NOL4L: variants seen among roughly 807,000 people sequenced by gnomAD.
NOL4L encodes the protein nucleolar protein 4 like.
A neutral mutation model predicts 64.5 loss-of-function variants in NOL4L; 7 were observed. The observed-to-expected ratio is 0.11, with a 90% CI of 0.06 to 0.20. NOL4L has a LOEUF of 0.20. Among genes scored for constraint, NOL4L ranks in the 10% least tolerant of loss-of-function variants. The probability of loss-of-function intolerance (pLI) is 1.00; values close to 1 mark genes in which losing one functional copy is unlikely to be tolerated. For missense variants in NOL4L, 680 were observed against 967.1 expected (o/e 0.70, Z 3.94); for synonymous variants, 413 against 401.0 (o/e 1.03, Z -0.36).
chr20:32,458,957 C>T (rs898080134), intron 5 of NOL4L, among the ~76,000 whole-genome samples: 15 of 152,352 alleles, frequency 9.8e-5, no homozygotes, highest in South Asian at 6.2e-4. Context: ...GTCAGATGCC[C>T]GGCACGGGGG....
At chr20:32,480,967 G>A (rs1473720599) in intron 4 of NOL4L, among the ~76,000 whole-genome samples, 1 of 152,166 alleles carries the variant, frequency 6.6e-6, no homozygotes, top group Non-Finnish European at 1.5e-5. Context: ...TACTAGCCAT[G>A]CAAGCACCAG....
intron 1 of NOL4L, among the ~76,000 whole-genome samples, chr20:32,556,475 C>G (rs1040724151): frequency 6.6e-6 from 1 of 152,220 alleles, no homozygotes; most frequent in Non-Finnish European, 1.5e-5. Context: ...CTGCCCAAAT[C>G]CTGCCAGCTA....
Position 32,474,561 on chromosome 20 carries a change from G to A in NOL4L, c.841+40C>T, listed in dbSNP as rs753939154. The stretch of plus-strand genomic sequence containing the variant: ...TGAGGACAACTGGGAGCAGGGGGCC[G>A]GGCACAGCCCCTCCTCAACTGCCAC... On this transcript the variant is annotated intron_variant, in intron 5 of 10. Coordinates refer to ENST00000621426, the MANE Select transcript of NOL4L (RefSeq NM_001256798.2). 3.1e-5 allele frequency: 49 copies of A among 1,584,874 alleles called. No individual in the cohort carries two copies. In the Admixed American group the frequency reaches 3.3e-4, roughly 11 times the overall value.
intron 4 of NOL4L, chr20:32,483,477 C>G (rs1195245973): frequency 2.0e-6 from 2 of 990,048 alleles, no homozygotes; most frequent in Non-Finnish European, 2.4e-6. Flanking sequence ...CGCGGCTGCC[C>G]GGGGAGAGGG....
At chr20:32,576,084 G>A (rs532892094) in intron 1 of NOL4L, among the ~76,000 whole-genome samples, 1 of 152,332 alleles carries the variant, frequency 6.6e-6, no homozygotes, top group Admixed American at 6.5e-5. Context: ...GCCAGATCGC[G>A]CAGGGCTCTG....
intron 2 of NOL4L, among the ~76,000 whole-genome samples, chr20:32,523,762 C>T (rs2018028692): frequency 6.6e-6 from 1 of 152,230 alleles, no homozygotes; most frequent in African/African-American, 2.4e-5. Flanking sequence ...CCCGGGCCTC[C>T]TGCCTGGACA....
chr20:32,461,757 G>C (rs2014088931), intron 5 of NOL4L, among the ~76,000 whole-genome samples: 1 of 149,618 alleles, frequency 6.7e-6, no homozygotes, highest in Non-Finnish European at 1.5e-5. Flanking sequence ...GAGAGGATAA[G>C]TGCTTGGAAG....
At position 32,453,755 on chromosome 20, in the gene NOL4L, G is replaced by C. The variant is rs1332248089; in HGVS notation, c.1126C>G (p.Pro376Ala). ...GAATCGTAGCTCCCAGAGCTGTAGGGGGGGGACTAAAAGGAGGGCAAGAGG... is the reference window on the plus strand; with the variant it reads ...GAATCGTAGCTCCCAGAGCTGTAGGCGGGGGACTAAAAGGAGGGCAAGAGG... ...YGVKTTPESP[P>A]YSSGSYDSIK... Residue 376 changes from proline to alanine, a missense_variant, in exon 7 of 11, where the codon CCC becomes GCC. Around this residue, in one of 4 missense-constraint regions of NOL4L, gnomAD observed 254 missense variants for 238.7 expected, o/e 1.06. Transcript: ENST00000621426. The surrounding 1 kb of genome is among the most constrained non-coding windows in gnomAD (Gnocchi z 5.6). The C allele has an allele frequency of 2.5e-5, 39 of 1,552,864 alleles. No individual in the cohort carries two copies. Among genetic ancestry groups the C allele is most frequent in the Admixed American group, 7.8e-5 (4 of 51,036 alleles).
In NOL4L at chr20:32,505,883, G is replaced by T. The variant is rs570384088; in HGVS notation, c.699+5464C>A. Among the ~76,000 whole-genome samples the T allele has an allele frequency of 1.5e-3, 222 of 152,330 alleles. 1 individual carries two copies. The highest frequency in any genetic ancestry group is 5.2e-3 in the African/African-American group (217 of 41,558). On this transcript the variant is annotated intron_variant, in intron 4 of 10. Transcript: ENST00000621426. ...CAGAATAGAGGTTACCAGGGCTGGG[G>T]GAGGGGAGGAAGGGGAATTATTGCT...
At chr20:32,455,429 CAGAAG>C (rs1300689588) in intron 6 of NOL4L, among the ~76,000 whole-genome samples, 3 of 152,212 alleles carry the variant, frequency 2.0e-5, no homozygotes, top group Non-Finnish European at 4.4e-5. Flanking sequence ...ACTCTCTCTG[CAGAAG>C]AGAAAACAGG....
chr20:32,454,296 G>A (rs1054479364), intron 6 of NOL4L, among the ~76,000 whole-genome samples: 1 of 152,228 alleles, frequency 6.6e-6, no homozygotes, highest in Non-Finnish European at 1.5e-5. Flanking sequence ...TAGCCAGCCA[G>A]GGCGACAGGT....
Position 32,557,828 on chromosome 20 carries a change from G to A in NOL4L, c.321+26742C>T, listed in dbSNP as rs138391450. Among the ~76,000 whole-genome samples, 879 of 152,370 alleles carry A rather than the reference G, an allele frequency of 5.8e-3. 11 individuals are homozygous for A. The highest frequency in any genetic ancestry group is 0.02 in the African/African-American group (845 of 41,590). On this transcript the variant is annotated intron_variant, in intron 1 of 10. Transcript: ENST00000621426. ...GCCTGTAATCCCAGCACTTTGGGAAGCTGAGGCAGGTGGATCACTTGAGCT... is the reference window on the plus strand; with the variant it reads ...GCCTGTAATCCCAGCACTTTGGGAAACTGAGGCAGGTGGATCACTTGAGCT...
chr20:32,498,764 A>AGT (rs2016796722), intron 4 of NOL4L, among the ~76,000 whole-genome samples: 1 of 91,630 alleles, frequency 1.1e-5, no homozygotes, highest in Admixed American at 1.2e-4. Context: ...ACCCTGTCTC[A>AGT]ATAAAAAAAA....
intron 2 of NOL4L, among the ~76,000 whole-genome samples, chr20:32,526,587 A>G (rs945721086): frequency 6.6e-6 from 1 of 152,154 alleles, no homozygotes; most frequent in African/African-American, 2.4e-5. Flanking sequence ...TATTTATACA[A>G]AGAACTTGGG....
chr20:32,448,775 G>A (rs193045411), intron 10 of NOL4L, among the ~76,000 whole-genome samples: 6 of 152,212 alleles, frequency 3.9e-5, no homozygotes, highest in East Asian at 1.9e-4. Flanking sequence ...GGAGGGGACC[G>A]CCAGGCCCTG....
intron 3 of NOL4L, among the ~76,000 whole-genome samples, chr20:32,512,947 A>G (rs2017473630): frequency 6.6e-6 from 1 of 152,222 alleles, no homozygotes; most frequent in Non-Finnish European, 1.5e-5. Context: ...ATTACAAGAA[A>G]TTAAAAGGTA....
chr20:32,573,996 CT>C (rs1979927200), intron 1 of NOL4L: 1 of 152,358 alleles, frequency 6.6e-6, no homozygotes, highest in Non-Finnish European at 1.5e-5. Flanking sequence ...GCAGCAGCCC[CT>C]ATGCTGTGGC....
intron 1 of NOL4L, among the ~76,000 whole-genome samples, chr20:32,558,877 A>G (rs1978828633): frequency 6.6e-6 from 1 of 152,228 alleles, no homozygotes; most frequent in Non-Finnish European, 1.5e-5. Flanking sequence ...CCAGCAGGCC[A>G]AAGCAAGAGC....
intron 10 of NOL4L, among the ~76,000 whole-genome samples, chr20:32,450,675 C>T (rs956663470): frequency 1.3e-5 from 2 of 152,142 alleles, no homozygotes; most frequent in African/African-American, 4.8e-5. Flanking sequence ...ATAGGTCATG[C>T]TGGGTGGACA....
Sources: allele counts gnomAD v4.1 joint callset (sites outside exome capture counted in the v4.1 genomes callset), GRCh38; gene constraint gnomAD v4.1.1; regional missense constraint gnomAD v4.1.1; non-coding constraint Gnocchi (gnomAD v3.1); transcripts MANE v1.5; gene names NCBI Gene and HGNC (gene_info 2026-07-23, HGNC 2026-07-21).